CEP89: variants seen among roughly 807,000 people sequenced by gnomAD.
CEP89 encodes centrosomal protein of 89 kDa.
In CEP89, 95 loss-of-function variants were observed where a neutral mutation model predicts 97.6. The observed-to-expected ratio is 0.97, with a 90% confidence interval of 0.82 to 1.15. The LOEUF (loss-of-function observed/expected upper bound fraction) is 1.15. Ranked by LOEUF, CEP89 falls within the 50% of genes most tolerant of loss-of-function variation. The pLI, the probability that CEP89 is intolerant of heterozygous loss-of-function variation, is 0.00. For missense variants in CEP89, 869 were observed against 947.7 expected (o/e 0.92, Z 1.09); for synonymous variants, 354 against 349.1 (o/e 1.01, Z -0.16).
chr19:32,926,145 A>C (rs1029960985), intron 11 of CEP89, 45 bp downstream of exon 11: 3 of 1,382,232 alleles, frequency 2.2e-6, no homozygotes, highest in Admixed American at 1.7e-5. Context: ...AAGCGGTCCT[A>C]TATTTTTATA....
chr19:32,962,530 A>C (rs549819310), intron 2 of CEP89, among the ~76,000 whole-genome samples: 1 of 152,366 alleles, frequency 6.6e-6, no homozygotes, highest in East Asian at 1.9e-4. Context: ...AGAAAATATA[A>C]GAGAAAACCT....
At chr19:32,902,699 G>A (rs1229373448) in intron 14 of CEP89, among the ~76,000 whole-genome samples, 2 of 152,142 alleles carry the variant, frequency 1.3e-5, no homozygotes, top group East Asian at 1.9e-4. Flanking sequence ...AGAGCAGGAA[G>A]GTCAAGGCAG....
At chr19:32,953,997 T>A (rs1324042679) in intron 3 of CEP89, among the ~76,000 whole-genome samples, 196 bp from the exon 4 acceptor site, 1 of 151,396 alleles carries the variant, frequency 6.6e-6, no homozygotes, top group East Asian at 1.9e-4. Flanking sequence ...GCCTAGTGAG[T>A]AGCTGGGACT....
At chr19:32,959,050 A>ACAAC (rs1403620985) in intron 3 of CEP89, among the ~76,000 whole-genome samples, 1 of 125,144 alleles carries the variant, frequency 8.0e-6, no homozygotes, top group African/African-American at 2.9e-5. Context: ...ACAAAACAAA[A>ACAAC]AAAAAAAAAA....
At chr19:32,913,304 TA>T (rs372976484) in intron 14 of CEP89, among the ~76,000 whole-genome samples, 78,215 of 117,772 alleles carry the variant, frequency 0.66, 20,872 homozygotes, top group South Asian at 0.73. Flanking sequence ...TATATATATA[TA>T]TTTTTTTGTT....
chr19:32,970,267 T>C (rs897981761), intron 1 of CEP89: 4 of 152,264 alleles, frequency 2.6e-5, no homozygotes, highest in African/African-American at 9.6e-5. Context: ...TACAGAATTA[T>C]TTATGGGCTT....
rs552510706 is a variant in CEP89 at position 32,889,396 on chromosome 19, C to A, written c.1876-1555G>T. ...GGAGCCAGGATGGAAGAAAGCAGCT[C>A]TCCCACACCCTACATTTCCGCTTTG... On this transcript the variant is annotated intron_variant, in intron 16 of 18. Coordinates refer to ENST00000305768, the MANE Select transcript of CEP89 (RefSeq NM_032816.5). Among the ~76,000 whole-genome samples, 16 of 152,288 alleles carry A rather than the reference C, an allele frequency of 1.1e-4. No homozygotes were observed. The East Asian group carries it at 3.1e-3, about 29-fold the overall frequency.
chr19:32,889,574 T>G (rs1056727077), intron 16 of CEP89, among the ~76,000 whole-genome samples: 1 of 152,148 alleles, frequency 6.6e-6, no homozygotes, highest in African/African-American at 2.4e-5. Context: ...TGTATTTCCA[T>G]CCTGGGCCCA....
At chr19:32,902,748 G>T (rs1376947922) in intron 14 of CEP89, among the ~76,000 whole-genome samples, 1 of 152,208 alleles carries the variant, frequency 6.6e-6, no homozygotes, top group Non-Finnish European at 1.5e-5. Context: ...GTTTCACGGA[G>T]CGAGAAAGGG....
At chr19:32,918,855 TTTC>T (rs1193446458) in intron 12 of CEP89, among the ~76,000 whole-genome samples, 3 of 146,230 alleles carry the variant, frequency 2.1e-5, no homozygotes, top group African/African-American at 7.8e-5. Context: ...TTTGAAATGG[TTTC>T]TTTTTTCTTT....
chr19:32,964,635 A>G (rs768106951), intron 2 of CEP89, among the ~76,000 whole-genome samples: 1 of 151,716 alleles, frequency 6.6e-6, no homozygotes, highest in Non-Finnish European at 1.5e-5. Context: ...AACACGCGTT[A>G]ATCAGAATAA....
intron 1 of CEP89, among the ~76,000 whole-genome samples, chr19:32,968,501 G>GC (rs1971331571): frequency 6.6e-6 from 1 of 152,178 alleles, no homozygotes; most frequent in Admixed American, 6.6e-5. Context: ...GCCTGCCTTG[G>GC]CCTCCCAAAA....
At chr19:32,912,138 G>A (rs1183373897) in intron 14 of CEP89, among the ~76,000 whole-genome samples, 2 of 151,530 alleles carry the variant, frequency 1.3e-5, no homozygotes, top group African/African-American at 4.9e-5. Flanking sequence ...AGGAGGTGGA[G>A]GCTGCAGTGA....
At chr19:32,889,345 G>A (rs1271750964) in intron 16 of CEP89, among the ~76,000 whole-genome samples, 1 of 152,114 alleles carries the variant, frequency 6.6e-6, no homozygotes, top group African/African-American at 2.4e-5. Flanking sequence ...GTGTCTGCTT[G>A]GACACAAAAG....
chr19:32,939,088 A>C (rs1009754495), intron 6 of CEP89, among the ~76,000 whole-genome samples: 3 of 151,718 alleles, frequency 2.0e-5, no homozygotes, highest in African/African-American at 7.3e-5. Context: ...CTCTAAAAAA[A>C]AATTTTTTTT....
chr19:32,930,021 CTT>C (rs777333613), intron 9 of CEP89, among the ~76,000 whole-genome samples: 8 of 133,362 alleles, frequency 6.0e-5, no homozygotes, highest in Non-Finnish European at 9.7e-5. Flanking sequence ...CTTTTTTTTC[CTT>C]TTTTTTTTTT....
chr19:32,934,758 G>A (rs902035573), intron 7 of CEP89, among the ~76,000 whole-genome samples: 10 of 152,154 alleles, frequency 6.6e-5, no homozygotes, highest in African/African-American at 2.4e-4. Flanking sequence ...AGAAAATGGG[G>A]AGGGGTGGCT....
intron 14 of CEP89, among the ~76,000 whole-genome samples, chr19:32,910,825 G>A (rs1969986277): frequency 6.6e-6 from 1 of 152,188 alleles, no homozygotes; most frequent in Non-Finnish European, 1.5e-5. Context: ...CGTACATGGA[G>A]CTGTCACCTC....
chr19:32,964,627 C>A (rs1971242124), intron 2 of CEP89, among the ~76,000 whole-genome samples: 1 of 152,160 alleles, frequency 6.6e-6, no homozygotes, highest in Admixed American at 6.5e-5. Flanking sequence ...ACTTTCGGAA[C>A]ACGCGTTAAT....
Sources: allele counts gnomAD v4.1 joint callset (sites outside exome capture counted in the v4.1 genomes callset), GRCh38; gene constraint gnomAD v4.1.1; transcripts MANE v1.5; gene names NCBI Gene and HGNC (gene_info 2026-07-23, HGNC 2026-07-21).